RAB7A: variants seen among roughly 807,000 people sequenced by gnomAD.
RAB7A encodes the protein RAB7A, member RAS oncogene family.
A neutral mutation model predicts 24.5 loss-of-function variants in RAB7A; 2 were observed. The observed-to-expected ratio is 0.08, with a 90% CI of 0.03 to 0.26. The LOEUF (loss-of-function observed/expected upper bound fraction) is 0.26. Ranked by LOEUF, RAB7A falls within the 10% of genes least tolerant of loss-of-function variation. The pLI, the probability that RAB7A is intolerant of heterozygous loss-of-function variation, is 1.00. For synonymous variants in RAB7A, 100 were observed against 95.9 expected (o/e 1.04, Z -0.25); for missense variants, 118 against 255.7 (o/e 0.46, Z 3.67).
chr3:128,773,681 C>G (rs1308979929), intron 1 of RAB7A, among the ~76,000 whole-genome samples: 1 of 152,238 alleles, frequency 6.6e-6, no homozygotes, highest in Admixed American at 6.5e-5. Context: ...ATAGCGAAAT[C>G]AGATTGTTGC....
chr3:128,784,100 A>G (rs115745600), intron 1 of RAB7A, among the ~76,000 whole-genome samples: 10 of 152,360 alleles, frequency 6.6e-5, no homozygotes, highest in Non-Finnish European at 1.0e-4. Context: ...ATAAAATCCT[A>G]GCACAAACTA....
In RAB7A at chr3:128,813,398, C is replaced by T. The variant is rs1559799282; in HGVS notation, c.600C>T (p.Ala200=). 1.2e-6 allele frequency: 2 copies of T among 1,614,194 alleles called. No individual in the cohort carries two copies. The highest frequency in any genetic ancestry group is 2.2e-5 in the East Asian group (1 of 44,892). ...TGGACAAGAATGACCGGGCCAAGGCCTCGGCAGAAAGCTGCAGTTGCTGAG... is the reference window on the plus strand; with the variant it reads ...TGGACAAGAATGACCGGGCCAAGGCTTCGGCAGAAAGCTGCAGTTGCTGAG... ...IKLDKNDRAK[A]SAESCSC The change falls in exon 6 of 6, where the codon GCC becomes GCT. Residue 200 remains alanine, a synonymous_variant. Transcript: ENST00000265062.
chr3:128,729,548 C>T (rs767404123), intron 1 of RAB7A, among the ~76,000 whole-genome samples: 14 of 141,076 alleles, frequency 9.9e-5, no homozygotes, highest in Admixed American at 2.3e-4. Context: ...CCAGCCTGGG[C>T]GACAGAGCGA....
intron 1 of RAB7A, among the ~76,000 whole-genome samples, chr3:128,769,446 C>G (rs1319512262): frequency 1.3e-5 from 2 of 152,146 alleles, no homozygotes; most frequent in Non-Finnish European, 2.9e-5. Flanking sequence ...GGTGAAGCAT[C>G]TATTAGATCT....
intron 1 of RAB7A, among the ~76,000 whole-genome samples, chr3:128,758,664 A>G (rs2070751997): frequency 6.6e-6 from 1 of 151,904 alleles, no homozygotes; most frequent in Non-Finnish European, 1.5e-5. Context: ...ATCTTTAGGG[A>G]TTTTTACTCT....
chr3:128,738,947 C>T (rs922881259), intron 1 of RAB7A, among the ~76,000 whole-genome samples: 4 of 152,160 alleles, frequency 2.6e-5, no homozygotes, highest in African/African-American at 4.8e-5. Context: ...TGTTACTAAG[C>T]TTTAGTCTCC....
At chr3:128,796,504 C>T (rs1252178446) in intron 2 of RAB7A, among the ~76,000 whole-genome samples, 2 of 152,058 alleles carry the variant, frequency 1.3e-5, no homozygotes, top group African/African-American at 2.4e-5. Flanking sequence ...TCTGAAGGGA[C>T]CCATGAAAGC....
At chr3:128,810,251 C>T (rs945048385) in intron 5 of RAB7A, among the ~76,000 whole-genome samples, 2 of 151,942 alleles carry the variant, frequency 1.3e-5, no homozygotes, top group African/African-American at 4.8e-5. Flanking sequence ...CGGCCTGCCA[C>T]ATTTCTTTTT....
At chr3:128,743,632 G>C (rs2107587390) in intron 1 of RAB7A, among the ~76,000 whole-genome samples, 1 of 152,280 alleles carries the variant, frequency 6.6e-6, no homozygotes, top group Non-Finnish European at 1.5e-5. Context: ...AGAACTGAAG[G>C]AGAGCAGAAA....
intron 1 of RAB7A, among the ~76,000 whole-genome samples, chr3:128,788,548 C>T (rs1196221081): frequency 6.6e-6 from 1 of 152,152 alleles, no homozygotes; most frequent in Non-Finnish European, 1.5e-5. Context: ...GTGTTTCAGG[C>T]ATTCACTGGG....
chr3:128,763,254 G>A (rs542020285), intron 1 of RAB7A, among the ~76,000 whole-genome samples: 33 of 121,022 alleles, frequency 2.7e-4, no homozygotes, highest in African/African-American at 9.2e-4. Context: ...TCGCTCTGTC[G>A]CCCAGGCTGG....
At chr3:128,727,733 G>A (rs2070394888) in intron 1 of RAB7A, among the ~76,000 whole-genome samples, 1 of 152,168 alleles carries the variant, frequency 6.6e-6, no homozygotes, top group Non-Finnish European at 1.5e-5. Context: ...CTAAAGAACG[G>A]ACTCTTGTCT....
At chr3:128,730,882 T>TC (rs536730729) in intron 1 of RAB7A, among the ~76,000 whole-genome samples, 395 of 152,286 alleles carry the variant, frequency 2.6e-3, no homozygotes, top group African/African-American at 9.1e-3. Flanking sequence ...GTTGTCCACT[T>TC]CTGGTGTCCT....
At chr3:128,768,947 T>C (rs2070858345) in intron 1 of RAB7A, among the ~76,000 whole-genome samples, 1 of 149,794 alleles carries the variant, frequency 6.7e-6, no homozygotes, top group African/African-American at 2.5e-5. Flanking sequence ...TCCTTTCCTT[T>C]CCTTTTTTCT....
chr3:128,771,726 A>G (rs1382631568), intron 1 of RAB7A, among the ~76,000 whole-genome samples: 1 of 152,230 alleles, frequency 6.6e-6, no homozygotes, highest in Non-Finnish European at 1.5e-5. Context: ...TTACTTTTAA[A>G]GTTTCAGAAC....
chr3:128,733,499 A>T lies in RAB7A; in HGVS notation c.-9+7140A>T, dbSNP rs113922734. On this transcript the variant is annotated intron_variant, in intron 1 of 5. Coordinates refer to ENST00000265062, the MANE Select transcript of RAB7A (RefSeq NM_004637.6). ...AGGGCTGCCGTAACAAGTATCACAG[A>T]TAGAGTGGCTTAAACAGAAATTTAT... Among the ~76,000 whole-genome samples, 544 of 152,334 alleles carry T rather than the reference A, an allele frequency of 3.6e-3. 4 individuals carry two copies. The highest frequency in any genetic ancestry group is 0.012 in the African/African-American group (499 of 41,572).
chr3:128,799,229 G>C (rs1933643731), intron 3 of RAB7A: 1 of 150,850 alleles, frequency 6.6e-6, no homozygotes, highest in Non-Finnish European at 1.5e-5. Flanking sequence ...AAAGATGGTG[G>C]AAATAGCTGT....
chr3:128,802,964 T>G (rs1308007300), intron 3 of RAB7A, among the ~76,000 whole-genome samples: 2 of 152,032 alleles, frequency 1.3e-5, no homozygotes, highest in Admixed American at 6.6e-5. Flanking sequence ...GCCACCACGC[T>G]TGGCTAATTT....
chr3:128,732,829 G>A (rs181722015), intron 1 of RAB7A, among the ~76,000 whole-genome samples: 1,805 of 152,116 alleles, frequency 0.012, 33 homozygotes, highest in African/African-American at 0.039. Context: ...CCTGTCTCAA[G>A]AAAAAAGAAA....
Sources: allele counts gnomAD v4.1 joint callset (sites outside exome capture counted in the v4.1 genomes callset), GRCh38; gene constraint gnomAD v4.1.1; transcripts MANE v1.5; gene names NCBI Gene and HGNC (gene_info 2026-07-23, HGNC 2026-07-21).